Variants in TIMP2 observed in about 807,000 individuals in gnomAD.
The protein encoded by TIMP2 is metalloproteinase inhibitor 2.
In TIMP2, 5 loss-of-function variants were observed where a neutral mutation model predicts 24.3. That is an observed-to-expected ratio of 0.21 (90% CI 0.11 to 0.43). The LOEUF (loss-of-function observed/expected upper bound fraction) is 0.43. Among genes scored for constraint, TIMP2 ranks in the 20% least tolerant of loss-of-function variants. The pLI, the probability that TIMP2 is intolerant of heterozygous loss-of-function variation, is 1.00. For missense variants in TIMP2, 221 were observed against 297.5 expected, an observed-to-expected ratio of 0.74 and a Z score of 1.89; for synonymous variants, 130 against 123.2, an observed-to-expected ratio of 1.06 and a Z score of -0.37.
chr17:78,886,263 C>T (rs1164129937), intron 1 of TIMP2, among the ~76,000 whole-genome samples: 1 of 152,192 alleles, frequency 6.6e-6, no homozygotes, highest in African/African-American at 2.4e-5. Flanking sequence ...TCACCTAGAA[C>T]ACATGGGTCA....
chr17:78,918,094 A>ACACC (rs1180509123), intron 1 of TIMP2, among the ~76,000 whole-genome samples: 1 of 151,782 alleles, frequency 6.6e-6, no homozygotes, highest in Non-Finnish European at 1.5e-5. Flanking sequence ...ACACACACAC[A>ACACC]CACACAACTT....
At chr17:78,875,046 T>G (rs947785790) in intron 1 of TIMP2, among the ~76,000 whole-genome samples, 3 of 151,892 alleles carry the variant, frequency 2.0e-5, no homozygotes, top group Non-Finnish European at 4.4e-5. Flanking sequence ...CAACCTTAAT[T>G]TTTGTATTTT....
chr17:78,858,056 A>G (rs2069539110), intron 3 of TIMP2, among the ~76,000 whole-genome samples: 1 of 151,652 alleles, frequency 6.6e-6, no homozygotes, highest in African/African-American at 2.4e-5. Flanking sequence ...TGGGTGACAC[A>G]GCAAGACTCC....
chr17:78,919,656 A>C (rs538005533), intron 1 of TIMP2, among the ~76,000 whole-genome samples: 1 of 152,154 alleles, frequency 6.6e-6, no homozygotes, highest in African/African-American at 2.4e-5. Context: ...AACACGGTGA[A>C]ACCCCGTCTC....
Position 78,882,781 on chromosome 17 carries a change from G to A in TIMP2, c.131-8862C>T, listed in dbSNP as rs576468894. The stretch of plus-strand genomic sequence containing the variant: ...TCCCAACGGAACTGCCCAGGGGCAC[G>A]GGGCAAGGCTGAGCAGCCAGGAAGT... On this transcript the variant is annotated intron_variant, in intron 1 of 4. Coordinates refer to ENST00000262768, the MANE Select transcript of TIMP2 (RefSeq NM_003255.5). Among the ~76,000 whole-genome samples the A allele has an allele frequency of 3.9e-5, 6 of 152,368 alleles. No homozygotes were observed. The East Asian group carries it at 9.7e-4, about 25-fold the overall frequency.
intron 3 of TIMP2, among the ~76,000 whole-genome samples, chr17:78,858,990 TCTA>T (rs1357488637): frequency 5.9e-5 from 9 of 152,180 alleles, no homozygotes; most frequent in Non-Finnish European, 1.2e-4. Flanking sequence ...AATATTCTCT[TCTA>T]TGTGCATCTT....
chr17:78,893,448 T>G (rs1255688996), intron 1 of TIMP2, among the ~76,000 whole-genome samples: 1 of 141,888 alleles, frequency 7.0e-6, no homozygotes, highest in Non-Finnish European at 1.5e-5. Context: ...TGCGTGGGGC[T>G]GTGTGTGCAG....
At chr17:78,857,721 C>T in intron 3 of TIMP2, 75 bp from the exon 4 acceptor site, 2 of 1,594,432 alleles carry the variant, frequency 1.3e-6, no homozygotes, top group South Asian at 1.1e-5. Flanking sequence ...CCACCCGGCG[C>T]AGGGGCGCTG....
intron 1 of TIMP2, among the ~76,000 whole-genome samples, chr17:78,893,092 GGT>G (rs1185735359): frequency 2.0e-5 from 3 of 151,320 alleles, no homozygotes; most frequent in Non-Finnish European, 4.4e-5. Flanking sequence ...CGTGTGCAGG[GGT>G]GTGTGTGGGT....
chr17:78,924,996 CG>C lies in TIMP2; in HGVS notation c.92del (p.Pro31ArgfsTer13). ...TGCAAAACGCCTGTTGCGGGTGCAC[CG>C]GGGAGCAGCTGCAGGCGTCGGCCGG... ...LRPADACSCS[P>X]VHPQQAFCNA... On this transcript the variant is annotated frameshift_variant, in exon 1 of 5. Coordinates refer to ENST00000262768, the MANE Select transcript of TIMP2 (RefSeq NM_003255.5). LOFTEE classifies it high-confidence loss of function. This position sits in a 1 kb window ranked among gnomAD's most constrained non-coding sequence, Gnocchi z 5.3. 3.2e-6 allele frequency: 4 copies of C among 1,250,250 alleles called. No homozygotes were observed. The highest frequency in any genetic ancestry group is 2.2e-5 in the South Asian group (1 of 45,062). 77.4% of individuals were successfully genotyped at this position (1,250,250 alleles called of 1,614,324 possible).
At chr17:78,890,702 C>G (rs1261478300) in intron 1 of TIMP2, 2 of 1,550,518 alleles carry the variant, frequency 1.3e-6, no homozygotes, top group African/African-American at 2.7e-5. Context: ...CTTGTGCAAC[C>G]TGTTTTGCTG....
intron 1 of TIMP2, among the ~76,000 whole-genome samples, chr17:78,895,685 G>A (rs2069987923): frequency 6.6e-6 from 1 of 152,210 alleles, no homozygotes; most frequent in Non-Finnish European, 1.5e-5. Context: ...GCTCAGAGAG[G>A]TTGAATAACT....
chr17:78,907,434 G>C (rs1264628518), intron 1 of TIMP2, among the ~76,000 whole-genome samples: 1 of 152,204 alleles, frequency 6.6e-6, no homozygotes, highest in African/African-American at 2.4e-5. Flanking sequence ...CCGCCAGTCG[G>C]CCAGTTGGTG....
At chr17:78,886,938 T>A (rs1379964697) in intron 1 of TIMP2, among the ~76,000 whole-genome samples, 1 of 152,086 alleles carries the variant, frequency 6.6e-6, no homozygotes, top group African/African-American at 2.4e-5. Flanking sequence ...CCCAGGCTGG[T>A]CTCATATTCC....
intron 1 of TIMP2, among the ~76,000 whole-genome samples, chr17:78,919,316 A>T (rs907036270): frequency 6.6e-6 from 1 of 152,078 alleles, no homozygotes; most frequent in East Asian, 1.9e-4. Context: ...TTTGGCCCCA[A>T]TCTCCTTGTG....
chr17:78,909,442 T>C (rs539852995), intron 1 of TIMP2, among the ~76,000 whole-genome samples: 158 of 151,508 alleles, frequency 1.0e-3, no homozygotes, highest in Non-Finnish European at 1.7e-3. Flanking sequence ...CTGAGCATAA[T>C]AATCCCCCCG....
chr17:78,914,002 T>C (rs2145793845), intron 1 of TIMP2, among the ~76,000 whole-genome samples: 1 of 152,186 alleles, frequency 6.6e-6, no homozygotes, highest in East Asian at 1.9e-4. Flanking sequence ...AGTTGTGTAA[T>C]TATTTTAAAG....
chr17:78,891,850 G>A lies in TIMP2; in HGVS notation c.131-17931C>T. The A allele has an allele frequency of 6.4e-7, 1 of 1,550,684 alleles. No homozygotes were observed. The highest frequency in any genetic ancestry group is 8.7e-7 in the Non-Finnish European group (1 of 1,147,012). ...GCCTTCCCTTTCTCTTCTCAGGCGGGGCCAGGTGAGAATTCATCCGACCCG... is the reference window on the plus strand; with the variant it reads ...GCCTTCCCTTTCTCTTCTCAGGCGGAGCCAGGTGAGAATTCATCCGACCCG... On this transcript the variant is annotated intron_variant, in intron 1 of 4. Coordinates refer to ENST00000262768, the MANE Select transcript of TIMP2 (RefSeq NM_003255.5). This position sits in a 1 kb window ranked among gnomAD's most constrained non-coding sequence, Gnocchi z 4.5.
At chr17:78,901,511 G>A (rs73395191) in intron 1 of TIMP2, among the ~76,000 whole-genome samples, 2,622 of 152,220 alleles carry the variant, frequency 0.017, 75 homozygotes, top group African/African-American at 0.06. Flanking sequence ...AACTCCTTTG[G>A]TCAGGAGGGG....
Sources: gnomAD v4.1 joint callset for allele counts (sites outside exome capture counted in the v4.1 genomes callset) on GRCh38, gnomAD v4.1.1 for gene constraint, Gnocchi (gnomAD v3.1) non-coding constraint, MANE v1.5 for transcripts, NCBI Gene and HGNC (gene_info 2026-07-23, HGNC 2026-07-21) for gene names.